ECHDC1: variants seen among roughly 807,000 people sequenced by gnomAD.
The protein encoded by ECHDC1 is ethylmalonyl-CoA decarboxylase 1.
ECHDC1 carries 29 observed loss-of-function variants against 29.7 expected under a neutral mutation model. That is an observed-to-expected ratio of 0.98 (90% CI 0.73 to 1.33). ECHDC1 has a LOEUF of 1.33. Ranked by LOEUF, ECHDC1 falls within the 40% of genes most tolerant of loss-of-function variation. The probability of loss-of-function intolerance (pLI) is 0.00; values close to 1 mark genes in which losing one functional copy is unlikely to be tolerated. For synonymous variants in ECHDC1, 126 were observed against 123.1 expected (o/e 1.02, Z -0.15); for missense variants, 328 against 350.0 (o/e 0.94, Z 0.50).
Position 127,332,508 on chromosome 6 carries a change from T to C in ECHDC1, c.-2-1478A>G, listed in dbSNP as rs187714505. The stretch of plus-strand genomic sequence containing the variant: ...GGGAGACATGGGACATCAATCAATA[T>C]GTGTAAGATGTTCACTGGTCTGACT... On this transcript the variant is annotated intron_variant, in intron 1 of 5. Coordinates refer to ENST00000454859, the MANE Select transcript of ECHDC1 (RefSeq NM_001002030.2). 5.2e-4 allele frequency among the ~76,000 whole-genome samples: 79 copies of C among 152,204 alleles called. 1 individual carries two copies. The highest frequency in any genetic ancestry group is 9.1e-4 in the Non-Finnish European group (62 of 68,014).
At chr6:127,297,588 G>GTTAA (rs1780710674) in intron 5 of ECHDC1, among the ~76,000 whole-genome samples, 1 of 152,082 alleles carries the variant, frequency 6.6e-6, no homozygotes, top group Non-Finnish European at 1.5e-5. Context: ...TTTCCTTTGT[G>GTTAA]TGATTAGCGG....
rs1304082005 is a variant in ECHDC1, at chr6:127,313,500, G to T, written c.497+1316C>A. 2.7e-5 allele frequency: 12 copies of T among 441,314 alleles called. 1 individual carries two copies. Among genetic ancestry groups the T allele is most frequent in the South Asian group, 1.6e-4 (10 of 62,814 alleles). The allele number at this position is 441,314 out of a possible 1,614,324, so 27.3% of individuals were successfully genotyped here. A position where few individuals can be genotyped will look rare whatever the true frequency, so the allele number is the denominator to read the frequency against. Reference sequence around the variant, plus strand: ...TAACAGGCATGAGCCACCACGCCAGGCTTAAAAGTTTTTAAATGTACAACA... The same window carrying T: ...TAACAGGCATGAGCCACCACGCCAGTCTTAAAAGTTTTTAAATGTACAACA... On this transcript the variant is annotated intron_variant, in intron 5 of 5. Transcript: ENST00000454859.
intron 5 of ECHDC1, among the ~76,000 whole-genome samples, chr6:127,296,240 C>T (rs1302133305): frequency 2.0e-5 from 3 of 152,122 alleles, no homozygotes; most frequent in African/African-American, 7.2e-5. Flanking sequence ...ATTGCCCAGG[C>T]TGGAGTGCAG....
chr6:127,336,396 C>T (rs1281114138), intron 1 of ECHDC1, among the ~76,000 whole-genome samples: 1 of 151,870 alleles, frequency 6.6e-6, no homozygotes, highest in Admixed American at 6.6e-5. Context: ...AATATTATTC[C>T]CCATATTTAA....
chr6:127,340,691 G>A (rs139980297), intron 1 of ECHDC1, among the ~76,000 whole-genome samples: 118 of 151,484 alleles, frequency 7.8e-4, no homozygotes, highest in Non-Finnish European at 1.5e-3. Flanking sequence ...GATAACTTTA[G>A]AATAAAAGTG....
intron 1 of ECHDC1, among the ~76,000 whole-genome samples, chr6:127,340,455 A>T (rs146167756): frequency 1.4e-4 from 22 of 152,336 alleles, no homozygotes; most frequent in African/African-American, 5.3e-4. Context: ...AAGAAGGCCA[A>T]ATAGCCTAGA....
At chr6:127,307,959 T>C (rs1431545119) in intron 5 of ECHDC1, among the ~76,000 whole-genome samples, 1 of 151,934 alleles carries the variant, frequency 6.6e-6, no homozygotes. Flanking sequence ...ATTCAAAACC[T>C]GAACAGACCA....
chr6:127,295,481 AAAG>A (rs1161453390), intron 5 of ECHDC1, among the ~76,000 whole-genome samples: 2 of 152,232 alleles, frequency 1.3e-5, no homozygotes, highest in Non-Finnish European at 2.9e-5. Flanking sequence ...AGAAATGGGA[AAAG>A]AAAATGCAGA....
intron 3 of ECHDC1, among the ~76,000 whole-genome samples, chr6:127,319,897 G>C (rs1782702756): frequency 6.6e-6 from 1 of 152,194 alleles, no homozygotes; most frequent in Admixed American, 6.5e-5. Context: ...GCCATGTTTA[G>C]AGTGGAAAAA....
intron 5 of ECHDC1, among the ~76,000 whole-genome samples, chr6:127,295,339 T>C (rs750740552): frequency 8.5e-5 from 13 of 152,140 alleles, no homozygotes; most frequent in Non-Finnish European, 1.9e-4. Flanking sequence ...TTATTTATAT[T>C]GATGAAAACA....
At chr6:127,302,747 T>C (rs958540293) in intron 5 of ECHDC1, among the ~76,000 whole-genome samples, 6 of 152,168 alleles carry the variant, frequency 3.9e-5, no homozygotes, top group African/African-American at 1.4e-4. Flanking sequence ...TATATTTATA[T>C]ATGTATTGAA....
intron 1 of ECHDC1, among the ~76,000 whole-genome samples, chr6:127,337,813 C>T (rs1784566726): frequency 6.6e-6 from 1 of 152,188 alleles, no homozygotes; most frequent in African/African-American, 2.4e-5. Flanking sequence ...TTCTGTTTCA[C>T]CTCCCCTTTC....
At position 127,330,978 on chromosome 6, in the gene ECHDC1, C is replaced by T. The variant is rs1353758788; in HGVS notation, c.51G>A (p.Leu17=). Residue 17 remains leucine (L), a synonymous_variant, in exon 2 of 6, where the codon TTG becomes TTA. Coordinates refer to ENST00000454859, the MANE Select transcript of ECHDC1 (RefSeq NM_001002030.2). ...KTASLSGRTK[L]LHQTGLSLYS... ...AAAGTGACAATCCTGTTTGATGTAGCAATTTTGTCCTTCCAGACAGAGAGG... is the reference window on the plus strand; with the variant it reads ...AAAGTGACAATCCTGTTTGATGTAGTAATTTTGTCCTTCCAGACAGAGAGG... 2 of 1,613,832 alleles carry T rather than the reference C, an allele frequency of 1.2e-6. No homozygotes were observed. Among genetic ancestry groups the T allele is most frequent in the African/African-American group, 1.3e-5 (1 of 74,916 alleles).
intron 1 of ECHDC1, among the ~76,000 whole-genome samples, chr6:127,342,116 C>T (rs1315027438): frequency 1.3e-5 from 2 of 152,248 alleles, no homozygotes; most frequent in Admixed American, 1.3e-4. Flanking sequence ...ATCATCTCCT[C>T]TAACATAGGA....
chr6:127,327,184 G>A, intron 2 of ECHDC1, 40 bp from the exon 3 acceptor site: 2 of 1,595,530 alleles, frequency 1.3e-6, no homozygotes, highest in Non-Finnish European at 8.5e-7. Flanking sequence ...ATATATGAAG[G>A]TGACTGGAAA....
At chr6:127,333,283 A>AG (rs958036714) in intron 1 of ECHDC1, among the ~76,000 whole-genome samples, 5 of 152,144 alleles carry the variant, frequency 3.3e-5, no homozygotes, top group Non-Finnish European at 7.4e-5. Flanking sequence ...ATAATATAGG[A>AG]GTTAGGTTTA....
At chr6:127,294,583 G>A (rs1378737719) in intron 5 of ECHDC1, 1 of 152,078 alleles carries the variant, frequency 6.6e-6, no homozygotes, top group African/African-American at 2.4e-5. Context: ...TGAGTAAGAA[G>A]GTATATAGTC....
chr6:127,338,766 G>A (rs1171909796), intron 1 of ECHDC1, among the ~76,000 whole-genome samples: 1 of 152,104 alleles, frequency 6.6e-6, no homozygotes, highest in Non-Finnish European at 1.5e-5. Flanking sequence ...TTTGTTCACT[G>A]AGTTGAAATT....
chr6:127,313,030 T>C (rs1359303423), intron 5 of ECHDC1: 2 of 152,140 alleles, frequency 1.3e-5, no homozygotes, highest in Non-Finnish European at 2.9e-5. Context: ...AATAGAGATA[T>C]GAACTGACTG....
Sources: allele counts gnomAD v4.1 joint callset (sites outside exome capture counted in the v4.1 genomes callset), GRCh38; gene constraint gnomAD v4.1.1; transcripts MANE v1.5; gene names NCBI Gene and HGNC (gene_info 2026-07-23, HGNC 2026-07-21).